The following PCDHA3 variants were observed in gnomAD, a reference collection of about 807,000 sequenced individuals.
PCDHA3 encodes the protein protocadherin alpha 3, also known as protocadherin alpha-3.
Under a neutral mutation model 62.2 loss-of-function variants are expected in PCDHA3, and 41 were observed. The observed-to-expected ratio is 0.66, with a 90% CI of 0.51 to 0.86. The LOEUF is 0.86. Ranked by LOEUF, PCDHA3 falls within the 40% of genes least tolerant of loss-of-function variation. PCDHA3 has a pLI of 0.00. For synonymous variants in PCDHA3, 640 were observed against 555.4 expected (o/e 1.15, Z -2.14); for missense variants, 1,304 against 1,241.2 (o/e 1.05, Z -0.76).
intron 1 of PCDHA3, chr5:140,824,158 C>T (rs2150132728): frequency 6.2e-7 from 1 of 1,611,212 alleles, no homozygotes. Context: ...ATCCATCTTT[C>T]CCTCCCAATT....
chr5:140,978,875 T>A, intron 1 of PCDHA3, 74 bp from the exon 2 acceptor site: 2 of 1,609,316 alleles, frequency 1.2e-6, no homozygotes, highest in Non-Finnish European at 1.7e-6. Flanking sequence ...AGGGAGTAAC[T>A]AATCAATTAG....
At chr5:140,870,021 TTTAGA>T (rs782664085) in intron 1 of PCDHA3, 39 of 1,613,464 alleles carry the variant, frequency 2.4e-5, no homozygotes, top group Non-Finnish European at 3.1e-5. Flanking sequence ...TCAATGGAAC[TTTAGA>T]TTATGAAGAA....
intron 1 of PCDHA3, chr5:140,821,636 AAAG>A (rs1425064126): frequency 3.9e-6 from 4 of 1,021,456 alleles, no homozygotes; most frequent in Non-Finnish European, 4.2e-6. Context: ...ACAGAAAGGA[AAAG>A]AACCTTCCAT....
intron 1 of PCDHA3, chr5:140,842,836 G>C: frequency 6.3e-7 from 1 of 1,593,818 alleles, no homozygotes; most frequent in Non-Finnish European, 8.6e-7. Context: ...GCTCGCTGTC[G>C]AGCTACATTT....
chr5:140,964,138 C>T (rs529852998), intron 1 of PCDHA3, among the ~76,000 whole-genome samples: 1 of 152,300 alleles, frequency 6.6e-6, no homozygotes, highest in Admixed American at 6.5e-5. Flanking sequence ...GTAAGGTTGG[C>T]AGGAGCCTCA....
chr5:140,850,855 G>A (rs1484311028), intron 1 of PCDHA3: 1 of 1,595,156 alleles, frequency 6.3e-7, no homozygotes, highest in Non-Finnish European at 8.6e-7. Flanking sequence ...GAGCGAACGG[G>A]AGAACCCTCT....
intron 1 of PCDHA3, chr5:140,876,915 C>A: frequency 6.2e-7 from 1 of 1,613,966 alleles, no homozygotes; most frequent in Non-Finnish European, 8.5e-7. Flanking sequence ...CGGCATGGGA[C>A]GCGGACGCGC....
At chr5:140,840,253 T>C (rs1554137747) in intron 1 of PCDHA3, among the ~76,000 whole-genome samples, 1 of 151,988 alleles carries the variant, frequency 6.6e-6, no homozygotes, top group Non-Finnish European at 1.5e-5. Context: ...GCTATAAAAA[T>C]TGTGATTTTT....
chr5:140,953,444 G>C (rs2094887278), intron 1 of PCDHA3, among the ~76,000 whole-genome samples: 1 of 152,088 alleles, frequency 6.6e-6, no homozygotes, highest in South Asian at 2.1e-4. Context: ...GGAGAAACTA[G>C]GGATTATCTG....
At chr5:140,848,823 G>C in intron 1 of PCDHA3, 1 of 1,590,794 alleles carries the variant, frequency 6.3e-7, no homozygotes, top group South Asian at 1.1e-5. Context: ...GGAGGTGATC[G>C]TAGACAGGCC....
intron 1 of PCDHA3, among the ~76,000 whole-genome samples, chr5:140,909,351 T>C (rs2153508982): frequency 6.6e-6 from 1 of 152,238 alleles, no homozygotes; most frequent in African/African-American, 2.4e-5. Context: ...TACCAAGAGA[T>C]GTGTTAATTT....
At chr5:140,824,477 T>G (rs1390927264) in intron 1 of PCDHA3, 4 of 386,518 alleles carry the variant, frequency 1.0e-5, no homozygotes, top group Non-Finnish European at 1.8e-5. Context: ...TTATTGTTAT[T>G]TTTTAGAGAC....
chr5:140,968,859 C>T, intron 1 of PCDHA3: 1 of 1,614,184 alleles, frequency 6.2e-7, no homozygotes, highest in Non-Finnish European at 8.5e-7. Context: ...GTTAAGAGCC[C>T]TCGGACATAC....
intron 1 of PCDHA3, chr5:140,842,516 T>C (rs2150337808): frequency 1.2e-6 from 2 of 1,613,620 alleles, no homozygotes; most frequent in East Asian, 2.2e-5. Flanking sequence ...CAAGCTGGTG[T>C]CCACCTTCAA....
At chr5:140,817,165 G>T (rs181972981) in intron 1 of PCDHA3, 62 of 152,324 alleles carry the variant, frequency 4.1e-4, no homozygotes, top group African/African-American at 1.5e-3. Flanking sequence ...TCTGAGATAT[G>T]CAAGACAGCT....
intron 1 of PCDHA3, chr5:140,836,852 A>AT (rs1364228516): frequency 6.2e-6 from 5 of 810,820 alleles, no homozygotes; most frequent in Non-Finnish European, 9.4e-6. Context: ...TATAATTATT[A>AT]TTTTTTAATG....
chr5:140,872,873 A>G (rs1419569928), intron 1 of PCDHA3, among the ~76,000 whole-genome samples: 1 of 152,204 alleles, frequency 6.6e-6, no homozygotes, highest in African/African-American at 2.4e-5. Flanking sequence ...GACAATTATC[A>G]GTTTCATTCA....
chr5:140,834,443 T>C (rs1554134210), intron 1 of PCDHA3: 2 of 1,602,170 alleles, frequency 1.2e-6, no homozygotes, highest in Admixed American at 1.7e-5. Flanking sequence ...TTATTATAAT[T>C]CTAGCAGCTT....
At chr5:140,854,512 G>A (rs1265756710) in intron 1 of PCDHA3, 2 of 149,810 alleles carry the variant, frequency 1.3e-5, no homozygotes, top group Admixed American at 6.7e-5. Context: ...TAAACTGATG[G>A]ATTAAGTGAC....
Sources: allele counts gnomAD v4.1 joint callset (sites outside exome capture counted in the v4.1 genomes callset), GRCh38; gene constraint gnomAD v4.1.1; transcripts MANE v1.5; gene names NCBI Gene and HGNC (gene_info 2026-07-23, HGNC 2026-07-21).